The following ARHGAP10 variants were observed in gnomAD, a reference collection of about 807,000 sequenced individuals.
ARHGAP10 encodes the protein rho GTPase-activating protein 10.
ARHGAP10 carries 87 observed loss-of-function variants against 108.6 expected under a neutral mutation model. The observed-to-expected ratio is 0.80, with a 90% confidence interval of 0.67 to 0.96. The LOEUF (loss-of-function observed/expected upper bound fraction) is 0.96, where lower values mean the gene tolerates loss of function less well. ARHGAP10 is among the 40% of genes least tolerant of loss of function. The probability of loss-of-function intolerance (pLI) is 0.00; values close to 1 mark genes in which losing one functional copy is unlikely to be tolerated. For missense variants in ARHGAP10, 939 were observed against 954.5 expected (o/e 0.98, Z 0.21); for synonymous variants, 347 against 341.1 (o/e 1.02, Z -0.19).
chr4:147,935,111 G>T (rs148624897), intron 13 of ARHGAP10, among the ~76,000 whole-genome samples: 4 of 152,152 alleles, frequency 2.6e-5, no homozygotes, highest in Admixed American at 1.3e-4. Context: ...GAATGTAGCC[G>T]CAGAGGATGC....
At chr4:148,031,157 T>C (rs1007962234) in intron 19 of ARHGAP10, among the ~76,000 whole-genome samples, 1 of 152,232 alleles carries the variant, frequency 6.6e-6, no homozygotes, top group Non-Finnish European at 1.5e-5. Flanking sequence ...TGAAATGTGC[T>C]TATGGTAATG....
chr4:147,839,110 A>G (rs534832246), intron 3 of ARHGAP10, among the ~76,000 whole-genome samples: 19 of 142,410 alleles, frequency 1.3e-4, no homozygotes, highest in African/African-American at 3.6e-4. Flanking sequence ...CTATCTATCT[A>G]TCTATCTATC....
intron 3 of ARHGAP10, among the ~76,000 whole-genome samples, chr4:147,841,640 A>G (rs1579105464): frequency 6.6e-6 from 1 of 152,146 alleles, no homozygotes; most frequent in South Asian, 2.1e-4. Flanking sequence ...CTTCCAGTCT[A>G]TTTTGAGAAA....
intron 16 of ARHGAP10, 134 bp downstream of exon 16, chr4:147,955,508 G>C: frequency 2.8e-6 from 2 of 720,110 alleles, no homozygotes; most frequent in Non-Finnish European, 4.7e-6. Flanking sequence ...AATGATGTTT[G>C]GTGCCTCCCC....
chr4:147,747,433 A>G (rs187393552), intron 1 of ARHGAP10, among the ~76,000 whole-genome samples: 1 of 152,366 alleles, frequency 6.6e-6, no homozygotes, highest in East Asian at 1.9e-4. Flanking sequence ...AACAATGCCT[A>G]GAAGAAATAA....
intron 3 of ARHGAP10, among the ~76,000 whole-genome samples, chr4:147,839,195 C>T (rs1259480197): frequency 5.3e-5 from 8 of 151,926 alleles, no homozygotes; most frequent in African/African-American, 1.2e-4. Context: ...TTTAAGATTC[C>T]GTTTCAAGGA....
intron 15 of ARHGAP10, among the ~76,000 whole-genome samples, chr4:147,950,434 G>A (rs941522386): frequency 6.6e-6 from 1 of 152,188 alleles, no homozygotes; most frequent in Non-Finnish European, 1.5e-5. Flanking sequence ...GCCAGGGTTG[G>A]AGCCCCAGCT....
chr4:148,017,912 G>A (rs1001929178), intron 18 of ARHGAP10, among the ~76,000 whole-genome samples: 3 of 151,960 alleles, frequency 2.0e-5, no homozygotes, highest in African/African-American at 7.3e-5. Flanking sequence ...GAGCATGAAG[G>A]ACTTGGGGAG....
At chr4:147,877,411 C>T (rs1402337526) in intron 8 of ARHGAP10, among the ~76,000 whole-genome samples, 1 of 152,116 alleles carries the variant, frequency 6.6e-6, no homozygotes, top group African/African-American at 2.4e-5. Context: ...TTACCCCTGT[C>T]CCAAATAATG....
chr4:147,942,310 G>A (rs1180503545), intron 14 of ARHGAP10, among the ~76,000 whole-genome samples: 1 of 152,084 alleles, frequency 6.6e-6, no homozygotes, highest in Non-Finnish European at 1.5e-5. Context: ...TTTGAGGAGA[G>A]CTGCCATTTA....
At chr4:147,873,889 A>C (rs7697568) in intron 7 of ARHGAP10, among the ~76,000 whole-genome samples, 16 of 147,952 alleles carry the variant, frequency 1.1e-4, no homozygotes, top group East Asian at 3.9e-4. Flanking sequence ...AAAAAAAAAA[A>C]GGGGGGATAA....
intron 1 of ARHGAP10, among the ~76,000 whole-genome samples, chr4:147,761,791 C>G (rs761963566): frequency 3.9e-5 from 6 of 152,086 alleles, no homozygotes; most frequent in Non-Finnish European, 7.4e-5. Flanking sequence ...CTGATTGGCA[C>G]TAAGTGACTT....
chr4:147,955,247 T>G (rs1738745182), intron 15 of ARHGAP10, 69 bp from the exon 16 acceptor site: 1 of 1,432,892 alleles, frequency 7.0e-7, no homozygotes, highest in Non-Finnish European at 9.7e-7. Context: ...TTAACATCCT[T>G]TCATAAAAAA....
At chr4:147,964,873 G>A in intron 16 of ARHGAP10, 151 bp from the exon 17 acceptor site, 1 of 518,044 alleles carries the variant, frequency 1.9e-6, no homozygotes, top group Non-Finnish European at 3.2e-6. Context: ...TTTAACGGTG[G>A]CAAAATATGT....
intron 18 of ARHGAP10, among the ~76,000 whole-genome samples, chr4:147,980,869 T>G (rs1051655199): frequency 6.6e-6 from 1 of 152,208 alleles, no homozygotes; most frequent in Admixed American, 6.5e-5. Context: ...ATCTTTTCTA[T>G]TTCTGTGGTA....
chr4:147,810,221 C>T (rs1257684590), intron 1 of ARHGAP10, among the ~76,000 whole-genome samples: 4 of 152,238 alleles, frequency 2.6e-5, no homozygotes, highest in South Asian at 2.1e-4. Context: ...TTTCATTGTT[C>T]GAAACATAGT....
intron 19 of ARHGAP10, among the ~76,000 whole-genome samples, chr4:148,038,522 C>T (rs1370311390): frequency 6.6e-6 from 1 of 152,170 alleles, no homozygotes; most frequent in African/African-American, 2.4e-5. Context: ...ATCCTTTCTC[C>T]TCCCCTACCT....
chr4:148,069,827 T>C (rs1001486245), intron 22 of ARHGAP10, among the ~76,000 whole-genome samples: 3 of 152,126 alleles, frequency 2.0e-5, no homozygotes, highest in Admixed American at 1.3e-4. Flanking sequence ...GGCCCCCACA[T>C]TGTTACAACC....
At chr4:147,934,073 G>A (rs999664919) in intron 13 of ARHGAP10, among the ~76,000 whole-genome samples, 1 of 152,210 alleles carries the variant, frequency 6.6e-6, no homozygotes, top group Non-Finnish European at 1.5e-5. Flanking sequence ...AGGGGCCCTG[G>A]AGCCAAGCCA....
Sources: allele counts gnomAD v4.1 joint callset (sites outside exome capture counted in the v4.1 genomes callset), GRCh38; gene constraint gnomAD v4.1.1; transcripts MANE v1.5; gene names NCBI Gene and HGNC (gene_info 2026-07-23, HGNC 2026-07-21).